LPAR6: variants seen among roughly 807,000 people sequenced by gnomAD.
LPAR6 encodes lysophosphatidic acid receptor 6, also known as G-protein coupled purinergic receptor P2Y5.
LPAR6 carries 17 observed loss-of-function variants against 22.0 expected under a neutral mutation model. The ratio of observed to expected loss-of-function variants is 0.77; its 90% CI spans 0.53 to 1.16. The LOEUF is 1.16. LPAR6 is among the 50% of genes most tolerant of loss of function. The pLI is 0.00. For missense variants in LPAR6, 384 were observed against 406.9 expected, an observed-to-expected ratio of 0.94 and a Z score of 0.48; for synonymous variants, 136 against 139.8, an observed-to-expected ratio of 0.97 and a Z score of 0.19.
Position 48,412,265 on chromosome 13 carries a change from T to C in LPAR6, c.159A>G (p.Thr53=). 4 of 1,614,086 alleles carry C rather than the reference T, an allele frequency of 2.5e-6. No homozygotes were observed. Among genetic ancestry groups the C allele is most frequent in the Non-Finnish European group, 3.4e-6 (4 of 1,179,972 alleles). The change falls in exon 1 of 1, where the codon ACA becomes ACG. Residue 53 remains threonine, a synonymous_variant. Transcript: ENST00000620633. ...ICVLKVRNET[T]TYMINLAMSD... ...ACATTGCCAAGTTAATCATGTAAGT[T>C]GTAGTTTCATTTCGGACTTTGAGGA...
upstream of LPAR6, among the ~76,000 whole-genome samples, chr13:48,428,674 C>G (rs1226152290): frequency 6.6e-6 from 1 of 152,144 alleles, no homozygotes; most frequent in African/African-American, 2.4e-5. Flanking sequence ...CATTTTCATC[C>G]TTCTGTAGAT....
chr13:48,422,450 C>T (rs750279366), intron 2 of LPAR6, among the ~76,000 whole-genome samples: 5 of 152,106 alleles, frequency 3.3e-5, no homozygotes, highest in Non-Finnish European at 5.9e-5. Context: ...ACCACCATGG[C>T]ACGTGTATAC....
upstream of LPAR6, among the ~76,000 whole-genome samples, chr13:48,430,476 C>T (rs1949117705): frequency 6.6e-6 from 1 of 152,134 alleles, no homozygotes; most frequent in Non-Finnish European, 1.5e-5. Flanking sequence ...CACTGTGGCT[C>T]ATGCCTATAA....
chr13:48,443,899 G>A (rs567696525), intron 1 of LPAR6, among the ~76,000 whole-genome samples: 2 of 152,200 alleles, frequency 1.3e-5, no homozygotes, highest in Non-Finnish European at 2.9e-5. Context: ...ATAGTGATGT[G>A]TAGGAAAAAA....
At chr13:48,398,239 A>AG (rs1348297250) in intron 1 of LPAR6, among the ~76,000 whole-genome samples, 1 of 152,168 alleles carries the variant, frequency 6.6e-6, no homozygotes, top group African/African-American at 2.4e-5. Context: ...ATTTTAAAAA[A>AG]TTCAATTCTG....
intron 1 of LPAR6, among the ~76,000 whole-genome samples, chr13:48,400,125 A>C (rs752217977): frequency 6.6e-6 from 1 of 152,250 alleles, no homozygotes; most frequent in East Asian, 1.9e-4. Context: ...TCACTTGCTT[A>C]CTTCTTTGGA....
At chr13:48,437,607 TCA>T (rs1170683411) in intron 1 of LPAR6, among the ~76,000 whole-genome samples, 1 of 152,208 alleles carries the variant, frequency 6.6e-6, no homozygotes, top group Non-Finnish European at 1.5e-5. Flanking sequence ...TTGGCAGGCC[TCA>T]GTTCTTTGCT....
chr13:48,439,890 A>G (rs1949219694), intron 1 of LPAR6: 1 of 152,186 alleles, frequency 6.6e-6, no homozygotes, highest in South Asian at 2.1e-4. Flanking sequence ...TCAGAAATTT[A>G]TATCAGAATT....
At chr13:48,404,557 C>A (rs1189100592) in intron 1 of LPAR6, among the ~76,000 whole-genome samples, 1 of 151,824 alleles carries the variant, frequency 6.6e-6, no homozygotes, top group Non-Finnish European at 1.5e-5. Context: ...ATGACAGTCT[C>A]GCTCTGTCGC....
upstream of LPAR6, among the ~76,000 whole-genome samples, chr13:48,429,866 A>T (rs1360708927): frequency 6.6e-6 from 1 of 152,206 alleles, no homozygotes; most frequent in Non-Finnish European, 1.5e-5. Flanking sequence ...AAAGTGCAGG[A>T]TGTAGATGAA....
intron 2 of LPAR6, among the ~76,000 whole-genome samples, chr13:48,419,467 A>G (rs942451701): frequency 6.6e-6 from 1 of 152,232 alleles, no homozygotes; most frequent in African/African-American, 2.4e-5. Flanking sequence ...TAACATCACA[A>G]TTAAAAGAAC....
intron 1 of LPAR6, among the ~76,000 whole-genome samples, chr13:48,434,040 G>T (rs1436146880): frequency 1.1e-4 from 17 of 151,490 alleles, no homozygotes; most frequent in Admixed American, 1.1e-3. Context: ...TTTATTTAAA[G>T]GTTACAAGAA....
intron 1 of LPAR6, among the ~76,000 whole-genome samples, chr13:48,395,982 T>C (rs1359544461): frequency 6.6e-6 from 1 of 152,076 alleles, no homozygotes; most frequent in African/African-American, 2.4e-5. Flanking sequence ...CAGCCACTGC[T>C]CAAGGAAATA....
chr13:48,415,307 T>G (rs1948889886), upstream of LPAR6, among the ~76,000 whole-genome samples: 41 of 151,954 alleles, frequency 2.7e-4, no homozygotes, highest in Admixed American at 2.6e-3. Context: ...CTTTTTTTTT[T>G]CTCACTCTGC....
chr13:48,418,115 T>C (rs1224388354), intron 2 of LPAR6, among the ~76,000 whole-genome samples: 1 of 152,076 alleles, frequency 6.6e-6, no homozygotes, highest in Non-Finnish European at 1.5e-5. Flanking sequence ...GAAAAAATGT[T>C]AAAAGCAGCC....
intron 1 of LPAR6, among the ~76,000 whole-genome samples, chr13:48,425,529 C>G (rs1221489732): frequency 6.6e-6 from 1 of 152,048 alleles, no homozygotes; most frequent in East Asian, 1.9e-4. Flanking sequence ...ATGAAAGGAC[C>G]AATTTCACTA....
intron 1 of LPAR6, among the ~76,000 whole-genome samples, chr13:48,395,084 A>G (rs1369026712): frequency 4.5e-5 from 1 of 22,196 alleles, no homozygotes; most frequent in Non-Finnish European, 4.5e-4. Context: ...TGCAACCTCC[A>G]CTGGTGATAC....
chr13:48,416,537 T>G (rs913987897), upstream of LPAR6: 1 of 152,394 alleles, frequency 6.6e-6, no homozygotes, highest in Non-Finnish European at 1.5e-5. Context: ...AGCTGCAGGA[T>G]TTTTTCTTTT....
chr13:48,412,533 G>A lies in LPAR6; in HGVS notation c.-110C>T. On this transcript the variant is annotated 5_prime_UTR_variant, in exon 1 of 1. Coordinates refer to ENST00000620633, the MANE Select transcript of LPAR6 (RefSeq NM_001162498.3). ...CTCCAATTTATTTGCAAATTATCTG[G>A]ATCTTTGGATGGTTTTATAAATATT... is the stretch of plus-strand genomic sequence containing the variant. 4 of 769,714 alleles carry A rather than the reference G, an allele frequency of 5.2e-6. No individual in the cohort carries two copies. The highest frequency in any genetic ancestry group is 2.4e-6 in the Non-Finnish European group (1 of 422,924). 47.7% of individuals were successfully genotyped at this position (769,714 alleles called of 1,614,324 possible).
Sources: gnomAD v4.1 joint callset for allele counts (sites outside exome capture counted in the v4.1 genomes callset) on GRCh38, gnomAD v4.1.1 for gene constraint, MANE v1.5 for transcripts, NCBI Gene and HGNC (gene_info 2026-07-23, HGNC 2026-07-21) for gene names.